GRM7: variants seen among roughly 807,000 people sequenced by gnomAD.
GRM7 encodes the protein metabotropic glutamate receptor 7.
Under a neutral mutation model 84.5 loss-of-function variants are expected in GRM7, and 35 were observed. That is an observed-to-expected ratio of 0.41 (90% CI 0.32 to 0.55). The LOEUF (loss-of-function observed/expected upper bound fraction) is 0.55. Among genes scored for constraint, GRM7 ranks in the 20% least tolerant of loss-of-function variants. The pLI, the probability that GRM7 is intolerant of heterozygous loss-of-function variation, is 0.19. For synonymous variants in GRM7, 487 were observed against 455.1 expected, an observed-to-expected ratio of 1.07 and a Z score of -0.89; for missense variants, 1,003 against 1,194.6, an observed-to-expected ratio of 0.84 and a Z score of 2.36.
rs1326142647 is a variant in GRM7, at chr3:7,684,242, T to C, written c.2698+3947T>C. 2.0e-5 allele frequency among the ~76,000 whole-genome samples: 3 copies of C among 152,340 alleles called. No individual in the cohort carries two copies. In the East Asian group the frequency reaches 5.8e-4, roughly 29 times the overall value. On this transcript the variant is annotated intron_variant, in intron 9 of 9. Transcript: ENST00000357716. ...TGTAACAGAGATAAATGACATTATT[T>C]TCTGAATTTAAGCTGACTGGTTAAA...
chr3:6,999,898 C>G (rs558310561), intron 1 of GRM7, among the ~76,000 whole-genome samples: 1 of 152,210 alleles, frequency 6.6e-6, no homozygotes, highest in South Asian at 2.1e-4. Flanking sequence ...TGTGGGGACA[C>G]AGCCAAATCA....
chr3:7,474,083 G>A (rs1210261146), intron 7 of GRM7, among the ~76,000 whole-genome samples: 2 of 152,084 alleles, frequency 1.3e-5, no homozygotes, highest in Non-Finnish European at 2.9e-5. Flanking sequence ...GGGGCTGTTT[G>A]GTGTCATCAC....
chr3:7,336,327 T>A (rs1701420372), intron 4 of GRM7, among the ~76,000 whole-genome samples: 1 of 151,880 alleles, frequency 6.6e-6, no homozygotes, highest in Admixed American at 6.6e-5. Context: ...AAAAAGCACT[T>A]GGCAAAATCC....
rs138874035 is a variant in GRM7, at chr3:7,452,788, A to G, written c.1356A>G (p.Ile452Met). 6.2e-7 allele frequency: 1 copy of G among 1,610,784 alleles called. No individual in the cohort carries two copies. The highest frequency in any genetic ancestry group is 1.7e-5 in the Admixed American group (1 of 59,838). Residue 452 changes from isoleucine (I) to methionine (M), a missense_variant, in exon 6 of 10, where the codon ATA (isoleucine) becomes ATG (methionine). Ile to Met is a conservative substitution (Grantham distance 10, BLOSUM62 1). Coordinates refer to ENST00000357716, the MANE Select transcript of GRM7 (RefSeq NM_000844.4). ...QAGGKKLLKY[I>M]RNVNFNGSAG... ...GAGGCAAGAAGTTGCTGAAGTATAT[A>G]CGCAATGTTAATTTCAATGGTGAGT...
intron 7 of GRM7, among the ~76,000 whole-genome samples, chr3:7,474,314 T>TAGCTG (rs951831845): frequency 7.9e-5 from 12 of 152,112 alleles, no homozygotes; most frequent in East Asian, 7.7e-4. Context: ...CTCATTACCG[T>TAGCTG]AGCTGGAATC....
At chr3:7,669,265 T>G (rs1575611948) in intron 8 of GRM7, among the ~76,000 whole-genome samples, 1 of 152,192 alleles carries the variant, frequency 6.6e-6, no homozygotes, top group East Asian at 1.9e-4. Context: ...TAATTTAGAC[T>G]TGAAGGCCAG....
chr3:7,591,544 G>A (rs1003883804), intron 8 of GRM7: 11 of 413,022 alleles, frequency 2.7e-5, no homozygotes, highest in African/African-American at 1.9e-4. Context: ...TTGGAAAGGG[G>A]AGAAATTAGA....
intron 6 of GRM7, among the ~76,000 whole-genome samples, chr3:7,458,757 T>C (rs1698123206): frequency 6.6e-6 from 1 of 152,140 alleles, no homozygotes; most frequent in Admixed American, 6.5e-5. Context: ...TCAAAGACTA[T>C]GAAAATCTCA....
At chr3:7,588,748 T>C (rs1036007810) in intron 8 of GRM7, among the ~76,000 whole-genome samples, 1 of 152,204 alleles carries the variant, frequency 6.6e-6, no homozygotes, top group African/African-American at 2.4e-5. Flanking sequence ...CAGTAAGTCA[T>C]CGGTAGAAAT....
At chr3:7,677,262 TAAAAAA>T (rs557488794) in intron 8 of GRM7, among the ~76,000 whole-genome samples, 3 of 36,986 alleles carry the variant, frequency 8.1e-5, no homozygotes, top group South Asian at 8.4e-4. Flanking sequence ...ACTCTGTCTT[TAAAAAA>T]AAAAAAAAAA....
At chr3:7,543,908 G>A (rs577777596) in intron 7 of GRM7, among the ~76,000 whole-genome samples, 9 of 152,278 alleles carry the variant, frequency 5.9e-5, no homozygotes, top group South Asian at 2.1e-4. Context: ...GAGTCTGAGC[G>A]TACTCCCTGG....
intron 1 of GRM7, among the ~76,000 whole-genome samples, chr3:6,981,685 A>G (rs552657859): frequency 6.6e-6 from 1 of 152,112 alleles, no homozygotes. Context: ...TTTCTATTGA[A>G]ATCACTATTT....
chr3:7,130,555 GAAAAGAAAAAA>G (rs1173997468), intron 1 of GRM7, among the ~76,000 whole-genome samples: 1 of 41,150 alleles, frequency 2.4e-5, no homozygotes, highest in Non-Finnish European at 4.9e-5. Context: ...AAAAAAAAAA[GAAAAGAAAAAA>G]AAAAAGGATT....
intron 1 of GRM7, among the ~76,000 whole-genome samples, chr3:7,103,816 T>TTCTTTCTTTCTTTCTTTCTCTCTCTCTC (rs1553617438): frequency 1.1e-5 from 1 of 89,058 alleles, no homozygotes; most frequent in African/African-American, 4.8e-5. Flanking sequence ...CTTTCTTTCT[T>TTCTTTCTTTCTTTCTTTCTCTCTCTCTC]TCTCTCTCTC....
chr3:7,103,816 T>TTCTTTCTTTCTTTCTCTCTCTCTC (rs1553617438), intron 1 of GRM7, among the ~76,000 whole-genome samples: 14 of 89,106 alleles, frequency 1.6e-4, no homozygotes, highest in African/African-American at 6.3e-4. Flanking sequence ...CTTTCTTTCT[T>TTCTTTCTTTCTTTCTCTCTCTCTC]TCTCTCTCTC....
intron 1 of GRM7, among the ~76,000 whole-genome samples, chr3:6,914,206 C>T (rs1458363347): frequency 6.6e-6 from 1 of 152,060 alleles, no homozygotes; most frequent in Non-Finnish European, 1.5e-5. Flanking sequence ...ATCAATAAAC[C>T]ATTAGTAGGT....
intron 5 of GRM7, among the ~76,000 whole-genome samples, chr3:7,417,636 G>A (rs927417179): frequency 6.6e-6 from 1 of 152,046 alleles, no homozygotes; most frequent in African/African-American, 2.4e-5. Flanking sequence ...TACAATGAAT[G>A]TTTTTATCTG....
At chr3:7,537,084 A>G (rs1316539148) in intron 7 of GRM7, among the ~76,000 whole-genome samples, 1 of 152,114 alleles carries the variant, frequency 6.6e-6, no homozygotes, top group Non-Finnish European at 1.5e-5. Context: ...ACACACCAGA[A>G]TGGCTCTTCA....
intron 1 of GRM7, among the ~76,000 whole-genome samples, chr3:6,912,512 C>T (rs574771713): frequency 1.5e-4 from 23 of 152,250 alleles, no homozygotes; most frequent in Non-Finnish European, 2.4e-4. Flanking sequence ...TCACTATATC[C>T]GTGCTATCCT....
Sources: allele counts gnomAD v4.1 joint callset (sites outside exome capture counted in the v4.1 genomes callset), GRCh38; gene constraint gnomAD v4.1.1; transcripts MANE v1.5; gene names NCBI Gene and HGNC (gene_info 2026-07-23, HGNC 2026-07-21).